ATAD2B: variants seen among roughly 807,000 people sequenced by gnomAD.
ATAD2B encodes ATPase family AAA domain containing 2B, also known as ATPase family AAA domain-containing protein 2B.
ATAD2B carries 40 observed loss-of-function variants against 167.6 expected under a neutral mutation model. The observed-to-expected ratio is 0.24, with a 90% CI of 0.19 to 0.31. The LOEUF (loss-of-function observed/expected upper bound fraction) is 0.31. ATAD2B is among the 10% of genes least tolerant of loss of function. The probability of loss-of-function intolerance (pLI) is 1.00; values close to 1 mark genes in which losing one functional copy is unlikely to be tolerated. For missense variants in ATAD2B, 1,242 were observed against 1,757.2 expected (o/e 0.71, Z 5.24); for synonymous variants, 579 against 596.5 (o/e 0.97, Z 0.43).
At chr2:23,742,973 G>A in the ATAD2B span, among the ~76,000 whole-genome samples, 1 of 152,034 alleles carries the variant, frequency 6.6e-6, no homozygotes, top group African/African-American at 2.4e-5. Flanking sequence ...AAATTCCAGA[G>A]CATCAGAGGA....
intron 1 of ATAD2B, among the ~76,000 whole-genome samples, chr2:23,903,823 TG>T (rs756363982): frequency 1.6e-4 from 25 of 152,230 alleles, no homozygotes; most frequent in Non-Finnish European, 2.9e-4. Context: ...CATTTAGAAT[TG>T]GGAAAATCAG....
chr2:23,824,817 T>C (rs1290830499), intron 15 of ATAD2B, among the ~76,000 whole-genome samples: 2 of 152,244 alleles, frequency 1.3e-5, no homozygotes, highest in East Asian at 3.8e-4. Context: ...CTAGCCATAT[T>C]GTTTTCCCTG....
intron 14 of ATAD2B, among the ~76,000 whole-genome samples, chr2:23,829,854 T>C (rs761143653): frequency 6.6e-6 from 1 of 152,230 alleles, no homozygotes; most frequent in Non-Finnish European, 1.5e-5. Context: ...ATTAAATTCA[T>C]TGAAAGATCA....
the ATAD2B span, among the ~76,000 whole-genome samples, chr2:23,725,856 A>G: frequency 4.6e-5 from 7 of 152,160 alleles, no homozygotes; most frequent in Non-Finnish European, 1.0e-4. Context: ...CACACAAACA[A>G]AACCCCAGAA....
intron 1 of ATAD2B, among the ~76,000 whole-genome samples, chr2:23,921,815 A>G (rs4665646): frequency 0.74 from 111,875 of 152,042 alleles, 41,555 homozygotes; most frequent in East Asian, 0.85. Flanking sequence ...TACTCCATGT[A>G]AATCTGATAC....
intron 1 of ATAD2B, among the ~76,000 whole-genome samples, chr2:23,899,303 C>CAAAAAAAA (rs556774553): frequency 3.0e-5 from 2 of 67,386 alleles, no homozygotes; most frequent in Non-Finnish European, 5.6e-5. Flanking sequence ...GACCCCATCT[C>CAAAAAAAA]AAAAAAAAAA....
intron 13 of ATAD2B, among the ~76,000 whole-genome samples, chr2:23,842,947 T>C (rs1259347979): frequency 6.6e-6 from 1 of 151,814 alleles, no homozygotes; most frequent in African/African-American, 2.4e-5. Context: ...AATAATAATA[T>C]CCAGGACACA....
Position 23,804,888 on chromosome 2 carries a change from C to CAA in ATAD2B, c.2454+5426_2454+5427dup, listed in dbSNP as rs369858864. On this transcript the variant is annotated intron_variant, in intron 18 of 27. Transcript: ENST00000238789. ...GGCACAGTGGCTCATGACTAGATTACAACCAGCACTTTGGGAGGCAGAGGC... is the reference window on the plus strand; with the variant it reads ...GGCACAGTGGCTCATGACTAGATTACAAAACCAGCACTTTGGGAGGCAGAGGC... Among the ~76,000 whole-genome samples, 65 of 151,920 alleles carry CAA rather than the reference C, an allele frequency of 4.3e-4. 2 individuals are homozygous for CAA. Among genetic ancestry groups the CAA allele is most frequent in the Non-Finnish European group, 2.6e-4 (18 of 67,968 alleles).
intron 2 of ATAD2B, among the ~76,000 whole-genome samples, chr2:23,890,820 T>C (rs1483991145): frequency 6.6e-6 from 1 of 152,212 alleles, no homozygotes; most frequent in Non-Finnish European, 1.5e-5. Context: ...TTGTCTGCTC[T>C]AAAGAAGACA....
the ATAD2B span, chr2:23,693,458 C>A: frequency 1.9e-6 from 3 of 1,551,696 alleles, no homozygotes. Context: ...AGCCTCAACA[C>A]CAAGGCTGAG....
rs36015161 is a variant in ATAD2B at position 23,792,962 on chromosome 2, CAAAAAAAAA to C, written c.2641-4324_2641-4316del. Among the ~76,000 whole-genome samples, 42 of 42,548 alleles carry C rather than the reference CAAAAAAAAA, an allele frequency of 9.9e-4. 1 individual carries two copies. The highest frequency in any genetic ancestry group is 1.4e-3 in the African/African-American group (12 of 8,718). 27.9% of individuals were successfully genotyped at this position (42,548 alleles called of 152,430 possible). On this transcript the variant is annotated intron_variant, in intron 19 of 27. Transcript: ENST00000238789. Reference sequence around the variant, plus strand: ...TGGGCAACAGCGAGAGACTCTGTCTCAAAAAAAAAAAAAAAAAAAAAAAAAAAACTTGAG... The same window carrying C: ...TGGGCAACAGCGAGAGACTCTGTCTCAAAAAAAAAAAAAAAAAAACTTGAG...
At chr2:23,875,748 T>C (rs1440469654) in intron 8 of ATAD2B, 81 bp downstream of exon 8, 4 of 891,050 alleles carry the variant, frequency 4.5e-6, no homozygotes, top group Non-Finnish European at 7.2e-6. Context: ...TGACAACTGT[T>C]AGTCACTAAT....
intron 1 of ATAD2B, among the ~76,000 whole-genome samples, chr2:23,912,340 C>CA (rs984108006): frequency 5.9e-5 from 9 of 151,302 alleles, no homozygotes; most frequent in Admixed American, 1.3e-4. Flanking sequence ...CCCTTTCTAA[C>CA]AAAAAAAAAT....
intron 22 of ATAD2B, among the ~76,000 whole-genome samples, chr2:23,781,980 AT>A (rs1680142748): frequency 6.6e-6 from 1 of 152,010 alleles, no homozygotes; most frequent in Non-Finnish European, 1.5e-5. Context: ...CACACAGCTA[AT>A]TTTTGTAATT....
chr2:23,872,568 C>G (rs1321884180), intron 8 of ATAD2B: 2 of 1,147,744 alleles, frequency 1.7e-6, no homozygotes, highest in Admixed American at 3.4e-5. Context: ...GGTAGCTGAT[C>G]CTCCGTGAGG....
intron 18 of ATAD2B, among the ~76,000 whole-genome samples, chr2:23,803,654 T>C (rs1196497040): frequency 6.6e-6 from 1 of 152,236 alleles, no homozygotes; most frequent in African/African-American, 2.4e-5. Flanking sequence ...CAATTGATAA[T>C]ATTAATCAAT....
chr2:23,844,016 G>A (rs1462859789), intron 13 of ATAD2B, among the ~76,000 whole-genome samples: 2 of 152,156 alleles, frequency 1.3e-5, no homozygotes, highest in Admixed American at 6.5e-5. Flanking sequence ...TCAGCTCACC[G>A]CAACCTCCAC....
intron 7 of ATAD2B, among the ~76,000 whole-genome samples, chr2:23,879,295 G>A (rs1488463563): frequency 6.6e-6 from 1 of 151,016 alleles, no homozygotes; most frequent in East Asian, 1.9e-4. Flanking sequence ...ACCACAGAAT[G>A]CTATTCAGCA....
intron 18 of ATAD2B, among the ~76,000 whole-genome samples, chr2:23,808,152 T>C (rs959994415): frequency 2.3e-4 from 7 of 30,452 alleles, no homozygotes; most frequent in African/African-American, 7.7e-4. Flanking sequence ...TTATATTATA[T>C]GTTATTTATA....
Sources: allele counts gnomAD v4.1 joint callset (sites outside exome capture counted in the v4.1 genomes callset), GRCh38; gene constraint gnomAD v4.1.1; transcripts MANE v1.5; gene names NCBI Gene and HGNC (gene_info 2026-07-23, HGNC 2026-07-21).